The following MKLN1 variants were observed in gnomAD, a reference collection of about 807,000 sequenced individuals.
MKLN1 encodes muskelin 1, also known as muskelin.
A neutral mutation model predicts 99.0 loss-of-function variants in MKLN1; 18 were observed. That is an observed-to-expected ratio of 0.18 (90% CI 0.13 to 0.27). The LOEUF is 0.27. Ranked by LOEUF, MKLN1 falls within the 10% of genes least tolerant of loss-of-function variation. The pLI is 1.00. For synonymous variants in MKLN1, 288 were observed against 293.2 expected (o/e 0.98, Z 0.18); for missense variants, 621 against 875.9 (o/e 0.71, Z 3.67).
At chr7:131,202,425 A>ATTG (rs1453320638) in intron 2 of MKLN1, among the ~76,000 whole-genome samples, 2 of 151,372 alleles carry the variant, frequency 1.3e-5, no homozygotes, top group African/African-American at 2.4e-5. Flanking sequence ...AAATTTTTTA[A>ATTG]TTGTTGTTGT....
Position 131,159,098 on chromosome 7 carries a change from G to A in MKLN1, c.-297+16157G>A, listed in dbSNP as rs143176188. Among the ~76,000 whole-genome samples the A allele has an allele frequency of 1.4e-4, 22 of 152,284 alleles. No homozygotes were observed. In the East Asian group the frequency reaches 4.0e-3, roughly 28 times the overall value. The stretch of plus-strand genomic sequence containing the variant: ...AGTCCTAGCTACTAGGGAGGCTGAA[G>A]TGAGAGGATCGCCTGAGCCCGGAGG... On this transcript the variant is annotated intron_variant, in intron 2 of 7. Transcript: ENST00000416992.
At position 131,171,540 on chromosome 7, in the gene MKLN1, C is replaced by T. The variant is rs369939617; in HGVS notation, c.-297+28599C>T. 3.3e-5 allele frequency among the ~76,000 whole-genome samples: 5 copies of T among 152,260 alleles called. No homozygotes were observed. In the East Asian group the frequency reaches 9.6e-4, roughly 29 times the overall value. ...TGGTGCGTTCTCAGCTCACTGCAAC[C>T]TCTGCCTCATGGGTTCAAGCGATTT... On this transcript the variant is annotated intron_variant, in intron 2 of 7. Transcript: ENST00000416992.
At chr7:131,131,760 A>G (rs757013418) in intron 1 of MKLN1, among the ~76,000 whole-genome samples, 2 of 152,226 alleles carry the variant, frequency 1.3e-5, no homozygotes, top group African/African-American at 2.4e-5. Flanking sequence ...AATCTTGAGG[A>G]ATGACTTAAA....
intron 1 of MKLN1, among the ~76,000 whole-genome samples, chr7:131,114,010 A>G (rs1461579471): frequency 6.6e-6 from 1 of 152,224 alleles, no homozygotes; most frequent in Non-Finnish European, 1.5e-5. Flanking sequence ...TGGGGCTAAC[A>G]GTTTGAGATG....
intron 3 of MKLN1, among the ~76,000 whole-genome samples, chr7:131,264,926 T>C (rs1351988580): frequency 6.6e-6 from 1 of 151,930 alleles, no homozygotes; most frequent in African/African-American, 2.4e-5. Flanking sequence ...GCAACCTCCG[T>C]CTCCCGGGTT....
At chr7:131,341,483 T>C (rs1799405907) in intron 1 of MKLN1, among the ~76,000 whole-genome samples, 1 of 152,240 alleles carries the variant, frequency 6.6e-6, no homozygotes, top group Non-Finnish European at 1.5e-5. Flanking sequence ...GATGTTGTTT[T>C]CAAAGTTTAT....
chr7:131,377,971 CTGGGG>C (rs1277116127), intron 2 of MKLN1, among the ~76,000 whole-genome samples: 2 of 152,042 alleles, frequency 1.3e-5, no homozygotes, highest in African/African-American at 4.8e-5. Flanking sequence ...TCAAATATAA[CTGGGG>C]TTTTCTGTGG....
intron 3 of MKLN1, among the ~76,000 whole-genome samples, chr7:131,252,323 T>C (rs1261119097): frequency 1.8e-5 from 2 of 109,366 alleles, no homozygotes. Flanking sequence ...AGGACTTTTT[T>C]CTTTTCTTTT....
At chr7:131,350,287 C>T (rs1030034314) in intron 1 of MKLN1, among the ~76,000 whole-genome samples, 3 of 151,248 alleles carry the variant, frequency 2.0e-5, no homozygotes, top group African/African-American at 4.9e-5. Flanking sequence ...TCTCAAACTC[C>T]TGGGCTCAAG....
rs72068521 is a variant in MKLN1, at chr7:131,247,235, C to CTTTTTTT, written c.-179+44269_-179+44275dup. ...TTACCTTTTCTTCTTTTTCTTTTTT[C>CTTTTTTT]TTTTTTTTTTTTTTGTCACCATGGC... On this transcript the variant is annotated intron_variant, in intron 3 of 7. Transcript: ENST00000416992. 2.1e-3 allele frequency among the ~76,000 whole-genome samples: 298 copies of CTTTTTTT among 141,140 alleles called. 7 individuals are homozygous for CTTTTTTT. Among genetic ancestry groups the CTTTTTTT allele is most frequent in the African/African-American group, 5.2e-3 (195 of 37,796 alleles). 92.6% of individuals were successfully genotyped at this position (141,140 alleles called of 152,430 possible). A position where few individuals can be genotyped will look rare whatever the true frequency, so the allele number is the denominator to read the frequency against.
At chr7:131,129,531 A>G (rs1795516895) in intron 1 of MKLN1, among the ~76,000 whole-genome samples, 1 of 152,228 alleles carries the variant, frequency 6.6e-6, no homozygotes. Context: ...TCCAATAAAA[A>G]GCAGGTTATG....
At chr7:131,410,456 T>G (rs2116321374) in intron 6 of MKLN1, among the ~76,000 whole-genome samples, 1 of 152,318 alleles carries the variant, frequency 6.6e-6, no homozygotes, top group Middle Eastern at 3.4e-3. Context: ...ATTACTGCTG[T>G]TAGTACTTTT....
intron 2 of MKLN1, among the ~76,000 whole-genome samples, chr7:131,174,953 TGATAGATA>T (rs150554970): frequency 0.54 from 75,889 of 140,544 alleles, 20,585 homozygotes; most frequent in African/African-American, 0.57. Context: ...AACTGGTAGA[TGATAGATA>T]GATAGATAGA....
chr7:131,155,411 A>ATATTT (rs1795948568), intron 2 of MKLN1, among the ~76,000 whole-genome samples: 3 of 152,218 alleles, frequency 2.0e-5, no homozygotes, highest in Non-Finnish European at 2.9e-5. Flanking sequence ...TAAATCCTTT[A>ATATTT]GTTGTAAACA....
At chr7:131,363,771 A>C (rs77162291) in intron 1 of MKLN1, among the ~76,000 whole-genome samples, 6 of 151,232 alleles carry the variant, frequency 4.0e-5, no homozygotes, top group African/African-American at 1.2e-4. Flanking sequence ...AAAAAAAAAA[A>C]CTGTCCTGCC....
At chr7:131,418,386 A>G (rs1263599840) in intron 8 of MKLN1, among the ~76,000 whole-genome samples, 1 of 151,846 alleles carries the variant, frequency 6.6e-6, no homozygotes, top group Non-Finnish European at 1.5e-5. Context: ...AAAAAAAAAA[A>G]AAAAAAGAGA....
intron 6 of MKLN1, among the ~76,000 whole-genome samples, chr7:131,410,552 AAGGACCT>A (rs1408922253): frequency 6.6e-6 from 1 of 152,160 alleles, no homozygotes; most frequent in Non-Finnish European, 1.5e-5. Context: ...AAAATGTATC[AAGGACCT>A]AGACCAAAAT....
chr7:131,120,616 A>G (rs1440353715), intron 1 of MKLN1, among the ~76,000 whole-genome samples: 1 of 152,040 alleles, frequency 6.6e-6, no homozygotes, highest in African/African-American at 2.4e-5. Context: ...CATGTCTCTG[A>G]AGTTCAAAGT....
intron 3 of MKLN1, among the ~76,000 whole-genome samples, chr7:131,295,661 A>G (rs1418748886): frequency 6.6e-6 from 1 of 152,154 alleles, no homozygotes. Context: ...AGGTGGGAAG[A>G]TCACTTGAGC....
Sources: gnomAD v4.1 joint callset for allele counts (sites outside exome capture counted in the v4.1 genomes callset) on GRCh38, gnomAD v4.1.1 for gene constraint, MANE v1.5 for transcripts, NCBI Gene and HGNC (gene_info 2026-07-23, HGNC 2026-07-21) for gene names.